Variants in FAM120A observed in about 807,000 individuals in gnomAD.
The protein encoded by FAM120A is family with sequence similarity 120 member A.
A neutral mutation model predicts 109.7 loss-of-function variants in FAM120A; 15 were observed. That is an observed-to-expected ratio of 0.14 (90% CI 0.09 to 0.21). The LOEUF (loss-of-function observed/expected upper bound fraction) is 0.21. Ranked by LOEUF, FAM120A falls within the 10% of genes least tolerant of loss-of-function variation. FAM120A has a pLI of 1.00. For synonymous variants in FAM120A, 493 were observed against 572.8 expected (o/e 0.86, Z 1.99); for missense variants, 899 against 1,439.3 (o/e 0.62, Z 6.07).
intron 7 of FAM120A, among the ~76,000 whole-genome samples, chr9:93,518,694 G>A (rs1860716065): frequency 6.6e-6 from 1 of 152,156 alleles, no homozygotes; most frequent in South Asian, 2.1e-4. Flanking sequence ...GCGGGGAACT[G>A]GGAGCACCAG....
At position 93,532,228 on chromosome 9, in the gene FAM120A, G is replaced by A. The variant is rs200847261; in HGVS notation, c.1808G>A (p.Arg603Lys). The A allele has an allele frequency of 2.5e-5, 40 of 1,614,128 alleles. No homozygotes were observed. Among genetic ancestry groups the A allele is most frequent in the Non-Finnish European group, 2.5e-6 (3 of 1,180,050 alleles). Residue 603 changes from arginine to lysine, a missense_variant, in exon 10 of 18, where the codon AGG becomes AAG. By Grantham distance (26) the Arg-to-Lys change is conservative. Coordinates refer to ENST00000277165, the MANE Select transcript of FAM120A (RefSeq NM_014612.5). This position sits in a 1 kb window ranked among gnomAD's most constrained non-coding sequence, Gnocchi z 4.3. ...CTGCCTCCGGCCGCTCTGCTCTATA[G>A]GCCAGTTCGTCAGTATGTTTACGGA... ...KDLPPAALLYRPVRQYVYGVL... is the reference protein window; with the variant it reads ...KDLPPAALLYKPVRQYVYGVL...
intron 3 of FAM120A, among the ~76,000 whole-genome samples, chr9:93,493,086 G>C (rs1270816002): frequency 6.6e-6 from 1 of 152,180 alleles, no homozygotes; most frequent in Non-Finnish European, 1.5e-5. Context: ...TGACTTGTTT[G>C]CTATGCAAGG....
In FAM120A at chr9:93,451,886, C is replaced by G; in HGVS notation, c.-30C>G. 2 of 1,230,134 alleles carry G rather than the reference C, an allele frequency of 1.6e-6. No individual in the cohort carries two copies. Among genetic ancestry groups the G allele is most frequent in the Non-Finnish European group, 2.0e-6 (2 of 988,250 alleles). The allele number at this position is 1,230,134 out of a possible 1,614,324, so 76.2% of individuals were successfully genotyped here. On this transcript the variant is annotated 5_prime_UTR_variant, in exon 1 of 18. Coordinates refer to ENST00000277165, the MANE Select transcript of FAM120A (RefSeq NM_014612.5). ...ACCCCCGGCCCCGCCGCCCCCCGCC[C>G]GCACCCGCGCCCGCGCCCCCGCCGC...
chr9:93,465,293 T>A (rs544496372), intron 1 of FAM120A, among the ~76,000 whole-genome samples: 1 of 152,364 alleles, frequency 6.6e-6, no homozygotes, highest in East Asian at 1.9e-4. Context: ...ACTTAAATCT[T>A]AAGGAATTGT....
At chr9:93,554,120 T>TACACACAGACACACAC (rs1554786170) in intron 12 of FAM120A, among the ~76,000 whole-genome samples, 3 of 87,402 alleles carry the variant, frequency 3.4e-5, no homozygotes, top group African/African-American at 1.2e-4. Context: ...GGCCATTTGA[T>TACACACAGACACACAC]ACACACACAC....
At position 93,471,115 on chromosome 9, in the gene FAM120A, G is replaced by C. The variant is rs1858291906; in HGVS notation, c.475-26G>C. The C allele has an allele frequency of 1.9e-6, 3 of 1,612,948 alleles. No individual in the cohort carries two copies. In the Admixed American group the frequency reaches 5.0e-5, roughly 27 times the overall value. ...GTTGCTACAGTGTTACCCTACATCT[G>C]ATGAAGTTTTTTTCTCGTTTGCCAG... is the stretch of plus-strand genomic sequence containing the variant. On this transcript the variant is annotated intron_variant, in intron 1 of 17. Transcript: ENST00000277165.
intron 13 of FAM120A, among the ~76,000 whole-genome samples, chr9:93,557,584 A>C (rs1862329640): frequency 6.6e-6 from 1 of 152,248 alleles, no homozygotes. Flanking sequence ...GGGTCAGTGC[A>C]TCAGGCAACA....
At chr9:93,551,033 G>T (rs1179579652) in intron 12 of FAM120A, among the ~76,000 whole-genome samples, 1 of 152,074 alleles carries the variant, frequency 6.6e-6, no homozygotes, top group Non-Finnish European at 1.5e-5. Context: ...AACCCTGAGA[G>T]GGCTTGATCT....
At chr9:93,505,174 C>T (rs1416108886) in intron 5 of FAM120A, among the ~76,000 whole-genome samples, 1 of 150,270 alleles carries the variant, frequency 6.7e-6, no homozygotes, top group Non-Finnish European at 1.5e-5. Flanking sequence ...CATTCTCCTG[C>T]CTCAGCTTCC....
Position 93,452,897 on chromosome 9 carries a change from A to G in FAM120A, c.474+508A>G, listed in dbSNP as rs1857338010. On this transcript the variant is annotated intron_variant, in intron 1 of 17. Transcript: ENST00000277165. This position sits in a 1 kb window ranked among gnomAD's most constrained non-coding sequence, Gnocchi z 7.0. The stretch of plus-strand genomic sequence containing the variant: ...AGTGCTGCTGCCGCCGCCCTTGCCA[A>G]TGTTGTTAGCCCGGTGACAGCGAGA... The G allele has an allele frequency of 3.5e-6, 5 of 1,438,686 alleles. No homozygotes were observed. Among genetic ancestry groups the G allele is most frequent in the South Asian group, 3.0e-5 (2 of 67,528 alleles). The allele number at this position is 1,438,686 out of a possible 1,614,324, so 89.1% of individuals were successfully genotyped here.
At chr9:93,525,670 T>C (rs994075535) in intron 7 of FAM120A, among the ~76,000 whole-genome samples, 1 of 152,234 alleles carries the variant, frequency 6.6e-6, no homozygotes, top group Non-Finnish European at 1.5e-5. Flanking sequence ...CCTGAGCCGC[T>C]ATCCATTGTC....
At chr9:93,501,829 C>G (rs1859815395) in intron 5 of FAM120A, among the ~76,000 whole-genome samples, 1 of 152,154 alleles carries the variant, frequency 6.6e-6, no homozygotes, top group Non-Finnish European at 1.5e-5. Flanking sequence ...GTAAAAATAA[C>G]TTTAGTTTTT....
At position 93,532,803 on chromosome 9, in the gene FAM120A, G is replaced by A. The variant is rs1482132252; in HGVS notation, c.1909+474G>A. Among the ~76,000 whole-genome samples, 20 of 152,176 alleles carry A rather than the reference G, an allele frequency of 1.3e-4. No individual in the cohort carries two copies. The highest frequency in any genetic ancestry group is 1.2e-3 in the Admixed American group (18 of 15,276). On this transcript the variant is annotated intron_variant, in intron 10 of 17. Coordinates refer to ENST00000277165, the MANE Select transcript of FAM120A (RefSeq NM_014612.5). This position sits in a 1 kb window ranked among gnomAD's most constrained non-coding sequence, Gnocchi z 4.3. ...CCACGCATGGCTCTGCAGCTGTAGC[G>A]AAGGTCGTGGGACTCACGGATCGTC... is the stretch of plus-strand genomic sequence containing the variant.
chr9:93,529,496 C>A lies in FAM120A; in HGVS notation c.1650C>A (p.Pro550=). The change falls in exon 9 of 18, where the codon CCC becomes CCA. Residue 550 remains proline (P), a synonymous_variant. Transcript: ENST00000277165. Reference sequence around the variant, plus strand: ...ACATCACCACACCTCCCCTGCCCCCCGTCGCACCTGAGGTGCTGAGAGTGG... The same window carrying A: ...ACATCACCACACCTCCCCTGCCCCCAGTCGCACCTGAGGTGCTGAGAGTGG... ...HMDITTPPLP[P]VAPEVLRVAE... is the part of the protein sequence containing the mutation. 1 of 1,614,234 alleles carries A rather than the reference C, an allele frequency of 6.2e-7. No individual in the cohort carries two copies. Among genetic ancestry groups the A allele is most frequent in the Middle Eastern group, 1.6e-4 (1 of 6,062 alleles).
chr9:93,454,491 C>T (rs1003466164), intron 1 of FAM120A, among the ~76,000 whole-genome samples: 5 of 152,120 alleles, frequency 3.3e-5, no homozygotes, highest in Non-Finnish European at 5.9e-5. Context: ...CATGGACTGG[C>T]CTCTTTTCAT....
intron 11 of FAM120A, 56 bp downstream of exon 11, chr9:93,543,527 G>T: frequency 6.3e-7 from 1 of 1,578,500 alleles, no homozygotes; most frequent in South Asian, 1.1e-5. Context: ...TAGGGGCCAT[G>T]ACCATGGTGT....
Position 93,556,554 on chromosome 9 carries a change from G to T in FAM120A, c.2447G>T (p.Arg816Leu). ...LFQSKLLKAS[R>L]EKTPLIDLCD... The stretch of plus-strand genomic sequence containing the variant: ...CAATCCAAACTCCTCAAAGCCAGCC[G>T]GGAAAAGACCCCACTCATTGACCTC... Residue 816 changes from arginine (R) to leucine (L), a missense_variant, in exon 13 of 18, where the codon CGG (arginine) becomes CTG (leucine). By Grantham distance (102) the Arg-to-Leu change is moderately radical (BLOSUM62 -2). Around this residue, in one of 11 missense-constraint regions of FAM120A, gnomAD observed 31 missense variants for 73.0 expected, o/e 0.42. Transcript: ENST00000277165. The T allele has an allele frequency of 6.2e-7, 1 of 1,614,144 alleles. No homozygotes were observed. The highest frequency in any genetic ancestry group is 2.2e-5 in the East Asian group (1 of 44,888).
intron 3 of FAM120A, among the ~76,000 whole-genome samples, chr9:93,496,008 C>CA (rs1375616489): frequency 2.0e-5 from 3 of 152,192 alleles, no homozygotes; most frequent in Non-Finnish European, 2.9e-5. Context: ...GATTCCATCT[C>CA]AAAAAGGTGC....
intron 4 of FAM120A, 23 bp downstream of exon 4, chr9:93,497,622 C>CA (rs768509821): frequency 3.1e-6 from 5 of 1,589,008 alleles, no homozygotes; most frequent in Non-Finnish European, 3.4e-6. Context: ...ACAAACAAAA[C>CA]AAAAAAACAG....
Sources: gnomAD v4.1 joint callset for allele counts (sites outside exome capture counted in the v4.1 genomes callset) on GRCh38, gnomAD v4.1.1 for gene constraint, gnomAD v4.1.1 regional missense constraint, Gnocchi (gnomAD v3.1) non-coding constraint, MANE v1.5 for transcripts, NCBI Gene and HGNC (gene_info 2026-07-23, HGNC 2026-07-21) for gene names.